Variants in ADGRG2 observed in about 807,000 individuals in gnomAD.
ADGRG2 encodes adhesion G protein-coupled receptor G2.
A neutral mutation model predicts 74.1 loss-of-function variants in ADGRG2; 26 were observed. That is an observed-to-expected ratio of 0.35 (90% confidence interval 0.26 to 0.49). The LOEUF (loss-of-function observed/expected upper bound fraction) is 0.49. Ranked by LOEUF, ADGRG2 falls within the 20% of genes least tolerant of loss-of-function variation. The probability of loss-of-function intolerance (pLI) is 0.99; values close to 1 mark genes in which losing one functional copy is unlikely to be tolerated. For synonymous variants in ADGRG2, 296 were observed against 295.2 expected (o/e 1.00, Z -0.03); for missense variants, 619 against 763.1 (o/e 0.81, Z 2.22).
chrX:19,121,408 AG>A (rs1467541195), intron 1 of ADGRG2, among the ~76,000 whole-genome samples: 1 of 111,534 alleles, frequency 9.0e-6, no homozygotes, highest in Non-Finnish European at 1.9e-5. Context: ...CAGGGGGCGA[AG>A]GGAAAGTTTC....
At chrX:19,051,309 C>T (rs938265340) in intron 3 of ADGRG2, among the ~76,000 whole-genome samples, 3 of 111,110 alleles carry the variant, frequency 2.7e-5, no homozygotes, top group African/African-American at 9.8e-5. Context: ...CTCCTGACCT[C>T]GTGATCAGCC....
chrX:19,116,547 A>C (rs1466839753), intron 1 of ADGRG2, among the ~76,000 whole-genome samples: 2 of 103,325 alleles, frequency 1.9e-5, no homozygotes, highest in Non-Finnish European at 3.9e-5. Flanking sequence ...GGAAGAGGTC[A>C]TTAGAGGAGT....
At chrX:19,087,317 C>T (rs2061950140) in intron 1 of ADGRG2, among the ~76,000 whole-genome samples, 1 of 112,870 alleles carries the variant, frequency 8.9e-6, no homozygotes, top group Non-Finnish European at 1.9e-5. Context: ...TACGGTTGTG[C>T]AGGTTGTGCC....
rs1013339240 is a variant in ADGRG2 at position 19,050,591 on chromosome X, G to A, written c.119-10367C>T. On this transcript the variant is annotated intron_variant, in intron 3 of 28. Transcript: ENST00000379869. ...GGCTGCACATTAATATCACCCCCAG[G>A]GAAATTACTGATGTAGTCAGTCGTG... is the stretch of plus-strand genomic sequence containing the variant. 4.5e-5 allele frequency among the ~76,000 whole-genome samples: 5 copies of A among 111,600 alleles called. No individual in the cohort carries two copies. In the Admixed American group the frequency reaches 4.7e-4, roughly 11 times the overall value.
chrX:19,068,732 C>T lies in ADGRG2; in HGVS notation c.103G>A (p.Val35Ile), dbSNP rs745554641. ...GACACATTACCTTCCAGGGATGTTA[C>T]CAGAACGACATGAAGACAAATGATG... is the stretch of plus-strand genomic sequence containing the variant. ...LVIICLHVVL[V>I]TSLEEDTDNS... Residue 35 changes from valine to isoleucine, a missense_variant, in exon 3 of 29, where the codon GTA becomes ATA. By Grantham distance (29) the Val-to-Ile change is conservative. Transcript: ENST00000379869. 43 of 1,059,372 alleles carry T rather than the reference C, an allele frequency of 4.1e-5. No individual in the cohort carries two copies. The highest frequency in any genetic ancestry group is 5.1e-5 in the Non-Finnish European group (39 of 771,088). The allele number at this position is 1,059,372 out of a possible 1,213,427, so 87.3% of individuals were successfully genotyped here.
chrX:19,005,941 G>T, intron 22 of ADGRG2, 61 bp downstream of exon 22: 1 of 666,583 alleles, frequency 1.5e-6, no homozygotes, highest in Admixed American at 2.2e-5. Flanking sequence ...AGACATTGTA[G>T]TGTGATGCCC....
chrX:19,093,961 T>C (rs1165757427), intron 1 of ADGRG2, among the ~76,000 whole-genome samples: 1 of 109,102 alleles, frequency 9.2e-6, no homozygotes, highest in Non-Finnish European at 1.9e-5. Flanking sequence ...TACCCAGCCA[T>C]GAAAAAGAAT....
At chrX:19,065,729 C>T (rs899920668) in intron 3 of ADGRG2, among the ~76,000 whole-genome samples, 8 of 111,952 alleles carry the variant, frequency 7.1e-5, no homozygotes, top group African/African-American at 2.6e-4. Flanking sequence ...ACTTCCTAAC[C>T]AATAACCTCC....
chrX:19,011,923 C>T (rs2060365576), intron 16 of ADGRG2, among the ~76,000 whole-genome samples: 1 of 112,261 alleles, frequency 8.9e-6, no homozygotes, highest in Non-Finnish European at 1.9e-5. Context: ...AACAATGATA[C>T]AAACCTGTCT....
chrX:19,073,592 C>A (rs1216846181), intron 2 of ADGRG2, among the ~76,000 whole-genome samples: 3 of 111,629 alleles, frequency 2.7e-5, no homozygotes, highest in Non-Finnish European at 5.6e-5. Context: ...GTATCAGTAT[C>A]ATATTTTTGA....
At chrX:19,047,630 A>C (rs2061220930) in intron 3 of ADGRG2, among the ~76,000 whole-genome samples, 1 of 112,063 alleles carries the variant, frequency 8.9e-6, no homozygotes, top group Non-Finnish European at 1.9e-5. Context: ...AACCCAACTG[A>C]AACTTGTAAT....
upstream of ADGRG2, among the ~76,000 whole-genome samples, chrX:19,122,908 G>C (rs2062633887): frequency 8.9e-6 from 1 of 112,167 alleles, no homozygotes; most frequent in Non-Finnish European, 1.9e-5. Flanking sequence ...CTCACCTTTA[G>C]GGCTCGCCCC....
chrX:19,116,573 A>G (rs2062519740), intron 1 of ADGRG2, among the ~76,000 whole-genome samples: 3 of 107,410 alleles, frequency 2.8e-5, no homozygotes, highest in South Asian at 8.5e-4. Context: ...TCATGGACTT[A>G]TAAGACTGCA....
intron 16 of ADGRG2, among the ~76,000 whole-genome samples, chrX:19,012,259 A>G (rs1443344158): frequency 9.0e-6 from 1 of 111,518 alleles, no homozygotes; most frequent in African/African-American, 3.3e-5. Flanking sequence ...TCTTTTATGA[A>G]TATGTCACTT....
intron 13 of ADGRG2, 58 bp from the exon 14 acceptor site, chrX:19,021,256 T>G: frequency 1.6e-6 from 1 of 637,989 alleles, no homozygotes. Flanking sequence ...TACTTACATA[T>G]TTGTAATTGC....
chrX:19,098,836 T>C (rs1276712344), intron 1 of ADGRG2, among the ~76,000 whole-genome samples: 1 of 111,656 alleles, frequency 9.0e-6, no homozygotes, highest in Non-Finnish European at 1.9e-5. Context: ...ATAAGCAAAA[T>C]TGCTCCAGAC....
chrX:19,045,125 A>G (rs1176867391), intron 3 of ADGRG2, among the ~76,000 whole-genome samples: 1 of 109,729 alleles, frequency 9.1e-6, no homozygotes, highest in Non-Finnish European at 1.9e-5. Context: ...GAGAAACAGG[A>G]TGGGTGAGGT....
intron 9 of ADGRG2, among the ~76,000 whole-genome samples, chrX:19,028,734 T>A (rs1301128893): frequency 9.0e-6 from 1 of 111,620 alleles, no homozygotes; most frequent in African/African-American, 3.3e-5. Flanking sequence ...TTCAAAGCTG[T>A]CCTGCGCCGC....
At chrX:19,117,542 C>T (rs1209412623) in intron 1 of ADGRG2, among the ~76,000 whole-genome samples, 1 of 110,592 alleles carries the variant, frequency 9.0e-6, no homozygotes, top group Non-Finnish European at 1.9e-5. Flanking sequence ...AATTACCAGG[C>T]GCAGTGGCTC....
Sources: gnomAD v4.1 joint callset for allele counts (sites outside exome capture counted in the v4.1 genomes callset) on GRCh38, gnomAD v4.1.1 for gene constraint, MANE v1.5 for transcripts, NCBI Gene and HGNC (gene_info 2026-07-23, HGNC 2026-07-21) for gene names.